Variants in CEP128 observed in about 807,000 individuals in gnomAD.
The protein encoded by CEP128 is centrosomal protein 128kDa.
Under a neutral mutation model 156.7 loss-of-function variants are expected in CEP128, and 132 were observed. The observed-to-expected ratio is 0.84, with a 90% confidence interval of 0.73 to 0.97. The LOEUF (loss-of-function observed/expected upper bound fraction) is 0.97, where lower values mean the gene tolerates loss of function less well. Ranked by LOEUF, CEP128 falls within the 50% of genes least tolerant of loss-of-function variation. The pLI, the probability that CEP128 is intolerant of heterozygous loss-of-function variation, is 0.00. For synonymous variants in CEP128, 469 were observed against 448.9 expected, an observed-to-expected ratio of 1.04 and a Z score of -0.57; for missense variants, 1,252 against 1,281.9, an observed-to-expected ratio of 0.98 and a Z score of 0.36.
chr14:80,944,827 A>AAAAAAAAAAAAAAAAAAAAAAAAC, upstream of CEP128, among the ~76,000 whole-genome samples: 1 of 30,088 alleles, frequency 3.3e-5, no homozygotes, highest in African/African-American at 3.5e-4. Context: ...TGTCTCAAAA[A>AAAAAAAAAAAAAAAAAAAAAAAAC]AAAAAAAAAA....
chr14:80,684,512 A>G (rs775221374), intron 19 of CEP128, among the ~76,000 whole-genome samples: 3 of 152,124 alleles, frequency 2.0e-5, no homozygotes, highest in Non-Finnish European at 2.9e-5. Context: ...ATTCTACCAG[A>G]TGTACAAGGA....
At chr14:80,537,159 C>T (rs1225468495) in intron 21 of CEP128, among the ~76,000 whole-genome samples, 2 of 152,090 alleles carry the variant, frequency 1.3e-5, no homozygotes, top group South Asian at 2.1e-4. Context: ...TATTTTCCAA[C>T]TCCTATTCAC....
intron 20 of CEP128, among the ~76,000 whole-genome samples, chr14:80,576,804 T>C (rs1303561999): frequency 1.3e-5 from 2 of 152,132 alleles, no homozygotes; most frequent in Non-Finnish European, 2.9e-5. Context: ...ATAGGGGCTA[T>C]ATAAATAAGA....
chr14:80,542,513 T>C (rs888875784), intron 21 of CEP128, among the ~76,000 whole-genome samples: 1 of 152,130 alleles, frequency 6.6e-6, no homozygotes, highest in Non-Finnish European at 1.5e-5. Context: ...GAGGGGATGG[T>C]AAAGTTCAGA....
chr14:80,918,861 A>G (rs1454685864), intron 2 of CEP128, among the ~76,000 whole-genome samples: 1 of 152,188 alleles, frequency 6.6e-6, no homozygotes, highest in Non-Finnish European at 1.5e-5. Context: ...ATTTAATAAA[A>G]AGCCCTGAAA....
At position 80,940,052 on chromosome 14, in the gene CEP128, C is replaced by G. The variant is rs528424076; in HGVS notation, c.-171-512G>C. The stretch of plus-strand genomic sequence containing the variant: ...AAAGAGCTGTGGACAGAAATATTTT[C>G]AATTAATTGTGACTGCTTTCAAAGC... On this transcript the variant is annotated intron_variant, in intron 1 of 24. Coordinates refer to ENST00000555265, the MANE Select transcript of CEP128 (RefSeq NM_152446.5). Among the ~76,000 whole-genome samples the G allele has an allele frequency of 1.9e-4, 29 of 152,088 alleles. No homozygotes were observed. The South Asian group carries it at 5.0e-3, about 26-fold the overall frequency.
At chr14:80,548,807 A>G (rs754614410) in intron 21 of CEP128, among the ~76,000 whole-genome samples, 1 of 152,212 alleles carries the variant, frequency 6.6e-6, no homozygotes, top group Non-Finnish European at 1.5e-5. Context: ...TACTAAGTTC[A>G]TCTGCTGGTG....
intron 13 of CEP128, among the ~76,000 whole-genome samples, chr14:80,795,875 C>G (rs192550993): frequency 4.6e-5 from 7 of 152,250 alleles, no homozygotes; most frequent in Admixed American, 4.6e-4. Context: ...CTTCCTTAGA[C>G]AAATAGCCTA....
chr14:80,684,316 C>T (rs1185857660), intron 19 of CEP128, among the ~76,000 whole-genome samples: 2 of 152,068 alleles, frequency 1.3e-5, no homozygotes, highest in Non-Finnish European at 2.9e-5. Flanking sequence ...ATTACAAACA[C>T]CTCTATGCAT....
Position 80,679,456 on chromosome 14 carries a change from C to T in CEP128, c.2806+63619G>A, listed in dbSNP as rs560427274. On this transcript the variant is annotated intron_variant, in intron 19 of 24. Transcript: ENST00000555265. The stretch of plus-strand genomic sequence containing the variant: ...AGCTGCTCTGGGAGTGACTGTCTTA[C>T]GTGGCTGAGATAAGGACTGAAATAC... 2.1e-4 allele frequency among the ~76,000 whole-genome samples: 32 copies of T among 152,216 alleles called. No individual in the cohort carries two copies. In the South Asian group the frequency reaches 5.8e-3, roughly 28 times the overall value.
At chr14:80,566,248 T>A (rs186083728) in intron 20 of CEP128, among the ~76,000 whole-genome samples, 202 of 152,300 alleles carry the variant, frequency 1.3e-3, no homozygotes, top group Admixed American at 2.7e-3. Flanking sequence ...TACCTGCTAC[T>A]TCCTAAATAA....
At position 80,678,047 on chromosome 14, in the gene CEP128, A is replaced by ATATATATATATATATAT. The variant is rs1555390193; in HGVS notation, c.2806+65027_2806+65028insATATATATATATATATA. The stretch of plus-strand genomic sequence containing the variant: ...ACATGGACAGTTGCTCTATAAAAAA[A>ATATATATATATATATAT]AAATATATATATATATGTATATATA... On this transcript the variant is annotated intron_variant, in intron 19 of 24. Coordinates refer to ENST00000555265, the MANE Select transcript of CEP128 (RefSeq NM_152446.5). Among the ~76,000 whole-genome samples, 107 of 68,516 alleles carry ATATATATATATATATAT rather than the reference A, an allele frequency of 1.6e-3. 1 individual carries two copies. In the East Asian group the frequency reaches 0.018, roughly 12 times the overall value. The allele number at this position is 68,516 out of a possible 152,430, so 44.9% of individuals were successfully genotyped here.
chr14:80,910,835 C>T (rs2139474227), intron 4 of CEP128, among the ~76,000 whole-genome samples: 1 of 152,062 alleles, frequency 6.6e-6, no homozygotes, highest in Non-Finnish European at 1.5e-5. Flanking sequence ...TTTAAATATG[C>T]ATATAATTGT....
intron 4 of CEP128, among the ~76,000 whole-genome samples, chr14:80,913,955 G>C (rs1188976769): frequency 1.3e-5 from 2 of 152,028 alleles, no homozygotes; most frequent in East Asian, 3.9e-4. Context: ...CTTTGAGAGA[G>C]GATTTTTTCA....
intron 19 of CEP128, among the ~76,000 whole-genome samples, chr14:80,718,628 T>A (rs756302745): frequency 6.7e-4 from 102 of 152,324 alleles, no homozygotes; most frequent in Middle Eastern, 3.4e-3. Context: ...TCACGTGATC[T>A]TGTAGTGATA....
At chr14:80,783,918 C>T (rs1901258117) in intron 15 of CEP128, among the ~76,000 whole-genome samples, 1 of 152,096 alleles carries the variant, frequency 6.6e-6, no homozygotes, top group African/African-American at 2.4e-5. Context: ...ACTGAAGACC[C>T]CAAATCCACT....
intron 15 of CEP128, among the ~76,000 whole-genome samples, chr14:80,783,747 T>G (rs944749250): frequency 7.2e-5 from 11 of 152,178 alleles, no homozygotes; most frequent in Admixed American, 6.5e-4. Flanking sequence ...CTTGATAGCA[T>G]TATGATGGTT....
In CEP128 at chr14:80,577,369, C is replaced by A. The variant is rs192619250; in HGVS notation, c.2856+3005G>T. 6.8e-4 allele frequency among the ~76,000 whole-genome samples: 103 copies of A among 152,294 alleles called. 1 individual carries two copies. In the East Asian group the frequency reaches 7.3e-3, roughly 11 times the overall value. On this transcript the variant is annotated intron_variant, in intron 20 of 24. Transcript: ENST00000555265. ...AAATGAACCTCCCTTAACATTACCACCTGGACATTTCAAAATACCAAAAAT... is the reference window on the plus strand; with the variant it reads ...AAATGAACCTCCCTTAACATTACCAACTGGACATTTCAAAATACCAAAAAT...
intron 19 of CEP128, among the ~76,000 whole-genome samples, chr14:80,666,397 T>C (rs1282457864): frequency 1.3e-5 from 2 of 152,192 alleles, no homozygotes; most frequent in Non-Finnish European, 2.9e-5. Context: ...CTTCCTAATG[T>C]CTGCCCTTTA....
Sources: gnomAD v4.1 joint callset for allele counts (sites outside exome capture counted in the v4.1 genomes callset) on GRCh38, gnomAD v4.1.1 for gene constraint, MANE v1.5 for transcripts, NCBI Gene and HGNC (gene_info 2026-07-23, HGNC 2026-07-21) for gene names.